ZNF333: variants seen among roughly 807,000 people sequenced by gnomAD.
The protein encoded by ZNF333 is zinc finger protein 333.
Under a neutral mutation model 76.1 loss-of-function variants are expected in ZNF333, and 61 were observed. The ratio of observed to expected loss-of-function variants is 0.80; its 90% CI spans 0.65 to 0.99. The LOEUF is 0.99. Among genes scored for constraint, ZNF333 ranks in the 50% least tolerant of loss-of-function variants. The probability of loss-of-function intolerance (pLI) is 0.00; values close to 1 mark genes in which losing one functional copy is unlikely to be tolerated. For synonymous variants in ZNF333, 284 were observed against 305.0 expected (o/e 0.93, Z 0.72); for missense variants, 717 against 822.4 (o/e 0.87, Z 1.57).
chr19:14,698,284 G>A (rs62125491), intron 4 of ZNF333, among the ~76,000 whole-genome samples: 17,984 of 149,664 alleles, frequency 0.12, 1,251 homozygotes, highest in African/African-American at 0.2. Flanking sequence ...TGAGACACTA[G>A]AATCACTTGA....
At chr19:14,730,906 G>A (rs990975299) in intron 11 of ZNF333, among the ~76,000 whole-genome samples, 9 of 151,662 alleles carry the variant, frequency 5.9e-5, no homozygotes, top group African/African-American at 2.2e-4. Context: ...GAGAACATGC[G>A]GTATTTGGTT....
intron 4 of ZNF333, among the ~76,000 whole-genome samples, chr19:14,698,925 T>C (rs200916460): frequency 3.5e-5 from 3 of 85,162 alleles, no homozygotes; most frequent in East Asian, 4.1e-4. Context: ...TATATATATA[T>C]ATATATATAT....
At chr19:14,710,442 C>T (rs977784382) in intron 7 of ZNF333, among the ~76,000 whole-genome samples, 3 of 152,158 alleles carry the variant, frequency 2.0e-5, no homozygotes, top group Non-Finnish European at 4.4e-5. Flanking sequence ...ATGTCGTACT[C>T]GTGGCTGTGA....
At chr19:14,708,197 G>A (rs566007785) in intron 7 of ZNF333, 21 of 391,052 alleles carry the variant, frequency 5.4e-5, no homozygotes, top group East Asian at 2.9e-4. Context: ...TAGTAAAGAC[G>A]GGGTTTCACC....
At chr19:14,706,585 C>G in intron 6 of ZNF333, 101 bp from the exon 7 acceptor site, 1 of 893,076 alleles carries the variant, frequency 1.1e-6, no homozygotes, top group Non-Finnish European at 1.9e-6. Context: ...AATATGTTCC[C>G]CAAAGCAGGA....
At chr19:14,727,952 G>T (rs1249086159) in intron 11 of ZNF333, among the ~76,000 whole-genome samples, 3 of 152,196 alleles carry the variant, frequency 2.0e-5, no homozygotes, top group Non-Finnish European at 4.4e-5. Context: ...GCCAGGTGCG[G>T]TGGCTCACGC....
At chr19:14,705,818 C>T (rs1463225446) in intron 6 of ZNF333, among the ~76,000 whole-genome samples, 2 of 152,144 alleles carry the variant, frequency 1.3e-5, no homozygotes, top group African/African-American at 4.8e-5. Flanking sequence ...TAACTAATGC[C>T]TGATAATTGA....
In ZNF333 at chr19:14,720,592, A is replaced by G. The variant is rs2042565109; in HGVS notation, c.*1267A>G. The G allele has an allele frequency of 2.0e-6, 2 of 985,318 alleles. No individual in the cohort carries two copies. Among genetic ancestry groups the G allele is most frequent in the Admixed American group, 6.2e-5 (1 of 16,258 alleles). The allele number at this position is 985,318 out of a possible 1,614,324, so 61.0% of individuals were successfully genotyped here. A position where few individuals can be genotyped will look rare whatever the true frequency, so the allele number is the denominator to read the frequency against. On this transcript the variant is annotated 3_prime_UTR_variant, in exon 12 of 12. Transcript: ENST00000292530. ...TGAAAAATATGCACTTCTTACTGGT[A>G]CAGTTTTCTTTTGTTTGTTTTTGTT...
intron 9 of ZNF333, among the ~76,000 whole-genome samples, chr19:14,716,572 T>G (rs71334738): frequency 0.16 from 24,934 of 152,174 alleles, 2,331 homozygotes; most frequent in Middle Eastern, 0.26. Flanking sequence ...GCTTTGCCTT[T>G]TCATCACATT....
At chr19:14,701,730 A>G in intron 5 of ZNF333, 9 of 985,554 alleles carry the variant, frequency 9.1e-6, no homozygotes, top group Non-Finnish European at 9.6e-6. Context: ...AAGCCCCTCC[A>G]TAATGGGTGC....
intron 5 of ZNF333, among the ~76,000 whole-genome samples, chr19:14,704,262 G>C (rs568447670): frequency 6.6e-6 from 1 of 152,190 alleles, no homozygotes; most frequent in East Asian, 1.9e-4. Flanking sequence ...CTAGGTCTGA[G>C]GCTACCAGAT....
chr19:14,724,833 C>A (rs1030524429), downstream of ZNF333, among the ~76,000 whole-genome samples: 4 of 152,152 alleles, frequency 2.6e-5, no homozygotes, highest in African/African-American at 9.7e-5. Flanking sequence ...TTGATTCTTA[C>A]ACATGTGCAT....
downstream of ZNF333, among the ~76,000 whole-genome samples, chr19:14,726,193 G>A (rs1264672297): frequency 2.6e-5 from 4 of 152,198 alleles, no homozygotes; most frequent in East Asian, 1.9e-4. Context: ...TTGAGCCAAG[G>A]CTGGAGCCTT....
chr19:14,712,023 T>G (rs2042291183), intron 7 of ZNF333, among the ~76,000 whole-genome samples: 1 of 150,886 alleles, frequency 6.6e-6, no homozygotes, highest in Admixed American at 6.6e-5. Context: ...ATGTAGGTGT[T>G]GGCTGTAGCG....
At chr19:14,704,946 T>G in intron 5 of ZNF333, 108 bp from the exon 6 acceptor site, 1 of 1,020,236 alleles carries the variant, frequency 9.8e-7, no homozygotes, top group Non-Finnish European at 1.5e-6. Context: ...CCCATCCCCA[T>G]TTGCCTTGAC....
At position 14,701,788 on chromosome 19, in the gene ZNF333, C is replaced by T. The variant is rs114548896; in HGVS notation, c.306+2507C>T. 6,429 of 985,444 alleles carry T rather than the reference C, an allele frequency of 6.5e-3. 376 individuals carry two copies. In the African/African-American group the frequency reaches 0.11, roughly 16 times the overall value. 61.0% of individuals were successfully genotyped at this position (985,444 alleles called of 1,614,324 possible). On this transcript the variant is annotated intron_variant, in intron 5 of 11. Coordinates refer to ENST00000292530, the MANE Select transcript of ZNF333 (RefSeq NM_032433.4). ...CTTGTTACATCAGAGCCCCAGGAAA[C>T]AGGCGGTCACAGACTATTCTGAGTG...
intron 1 of ZNF333, among the ~76,000 whole-genome samples, chr19:14,692,510 T>G (rs1226292732): frequency 8.5e-6 from 1 of 117,698 alleles, no homozygotes; most frequent in African/African-American, 3.9e-5. Flanking sequence ...TTGGATCTTC[T>G]TTTTATTTAT....
chr19:14,695,271 C>A, intron 3 of ZNF333, 138 bp downstream of exon 3: 1 of 1,297,146 alleles, frequency 7.7e-7, no homozygotes, highest in Non-Finnish European at 1.0e-6. Context: ...TCATCTGTTG[C>A]ATTGACTTCT....
At chr19:14,697,545 A>G (rs1034315614) in intron 4 of ZNF333, among the ~76,000 whole-genome samples, 2 of 151,448 alleles carry the variant, frequency 1.3e-5, no homozygotes, top group Non-Finnish European at 2.9e-5. Context: ...ATTTTTTTCT[A>G]GAGACCATTC....
Sources: gnomAD v4.1 joint callset for allele counts (sites outside exome capture counted in the v4.1 genomes callset) on GRCh38, gnomAD v4.1.1 for gene constraint, MANE v1.5 for transcripts, NCBI Gene and HGNC (gene_info 2026-07-23, HGNC 2026-07-21) for gene names.